The following NFASC variants were observed in gnomAD, a reference collection of about 807,000 sequenced individuals.
The protein encoded by NFASC is neurofascin homolog.
In NFASC, 43 loss-of-function variants were observed where a neutral mutation model predicts 147.5. The observed-to-expected ratio is 0.29, with a 90% CI of 0.23 to 0.38. NFASC has a LOEUF of 0.38. Among genes scored for constraint, NFASC ranks in the 10% least tolerant of loss-of-function variants. The pLI, the probability that NFASC is intolerant of heterozygous loss-of-function variation, is 1.00. For synonymous variants in NFASC, 622 were observed against 665.5 expected (o/e 0.93, Z 1.01); for missense variants, 1,320 against 1,689.0 (o/e 0.78, Z 3.83).
Position 204,954,437 on chromosome 1 carries a change from TG to T in NFASC, c.412+59del, listed in dbSNP as rs1218328554. 11 of 1,555,008 alleles carry T rather than the reference TG, an allele frequency of 7.1e-6. No individual in the cohort carries two copies. Among genetic ancestry groups the T allele is most frequent in the Admixed American group, 1.8e-5 (1 of 54,880 alleles). On this transcript the variant is annotated intron_variant, in intron 6 of 29. Transcript: ENST00000339876. The surrounding 1 kb of genome is among the most constrained non-coding windows in gnomAD (Gnocchi z 5.7). ...GCCCTGCTCCTGGGTAAATGGAGAG[TG>T]GGGGGTGTGGAAGGCCATTCCAGAA... is the stretch of plus-strand genomic sequence containing the variant.
chr1:204,961,509 T>C (rs1481073250), intron 8 of NFASC, among the ~76,000 whole-genome samples: 1 of 152,266 alleles, frequency 6.6e-6, no homozygotes, highest in Admixed American at 6.5e-5. Flanking sequence ...TCCAAGATCA[T>C]AGTGGTGCCC....
chr1:204,983,290 C>T, intron 21 of NFASC, among the ~76,000 whole-genome samples: 1 of 152,148 alleles, frequency 6.6e-6, no homozygotes, highest in East Asian at 1.9e-4. Context: ...GGGTCAGAAT[C>T]ACTTCCTGAA....
At chr1:204,896,514 G>C (rs548610211) in intron 1 of NFASC, among the ~76,000 whole-genome samples, 1 of 152,324 alleles carries the variant, frequency 6.6e-6, no homozygotes, top group South Asian at 2.1e-4. Flanking sequence ...GAAGAAGGTA[G>C]AAGGAAGAAG....
chr1:204,942,498 T>C (rs1335208674), intron 2 of NFASC, among the ~76,000 whole-genome samples: 1 of 152,136 alleles, frequency 6.6e-6, no homozygotes, highest in Admixed American at 6.5e-5. Flanking sequence ...CTATTGAGAG[T>C]TGCACTAGGG....
chr1:204,861,069 C>T (rs1379409701), intron 1 of NFASC, among the ~76,000 whole-genome samples: 2 of 107,620 alleles, frequency 1.9e-5, no homozygotes, highest in Non-Finnish European at 3.8e-5. Context: ...AGTTTGAATA[C>T]TTGCTTTCCT....
Position 204,968,912 on chromosome 1 carries a change from C to T in NFASC, c.933C>T (p.Ser311=), listed in dbSNP as rs781267185. The part of the protein sequence containing the change: ...LRITNVSEED[S]GEYFCLASNK... ...TCACAAATGTCTCTGAGGAAGACTCCGGGGAGTATTTCTGCCTGGCCTCCA... is the reference window on the plus strand; with the variant it reads ...TCACAAATGTCTCTGAGGAAGACTCTGGGGAGTATTTCTGCCTGGCCTCCA... Residue 311 remains serine, a synonymous_variant, in exon 10 of 30, where the codon TCC becomes TCT. Transcript: ENST00000339876. This position sits in a 1 kb window ranked among gnomAD's most constrained non-coding sequence, Gnocchi z 5.4. The T allele has an allele frequency of 1.5e-5, 24 of 1,613,760 alleles. No homozygotes were observed. Among genetic ancestry groups the T allele is most frequent in the South Asian group, 6.6e-5 (6 of 91,066 alleles).
rs114380689 is a variant in NFASC at position 204,916,754 on chromosome 1, G to A, written c.-199-3878G>A. Among the ~76,000 whole-genome samples, 39 of 141,392 alleles carry A rather than the reference G, an allele frequency of 2.8e-4. No homozygotes were observed. In the East Asian group the frequency reaches 7.6e-3, roughly 28 times the overall value. The allele number at this position is 141,392 out of a possible 152,430, so 92.8% of individuals were successfully genotyped here. On this transcript the variant is annotated intron_variant, in intron 1 of 29. Transcript: ENST00000339876. ...TTTTGTTTTTTTATTTTTATTTTTTGTAGAGACAAGGTTTTGCCATGTTGC... is the reference window on the plus strand; with the variant it reads ...TTTTGTTTTTTTATTTTTATTTTTTATAGAGACAAGGTTTTGCCATGTTGC...
intron 1 of NFASC, among the ~76,000 whole-genome samples, chr1:204,887,586 C>CTT (rs200468415): frequency 0.012 from 528 of 42,364 alleles, 132 homozygotes; most frequent in African/African-American, 0.031. Flanking sequence ...GCCTGATTGG[C>CTT]TTTTTTTTTT....
chr1:204,901,711 G>A (rs1275743423), intron 1 of NFASC, among the ~76,000 whole-genome samples: 1 of 152,150 alleles, frequency 6.6e-6, no homozygotes, highest in Non-Finnish European at 1.5e-5. Context: ...GGGCAAGGGA[G>A]GCTCCTCAGG....
At chr1:204,908,909 A>T (rs1177428498) in intron 1 of NFASC, among the ~76,000 whole-genome samples, 1 of 152,200 alleles carries the variant, frequency 6.6e-6, no homozygotes, top group Non-Finnish European at 1.5e-5. Flanking sequence ...CACTAGTATA[A>T]ATAGTCCATT....
At chr1:204,846,728 CG>C (rs1468914190) in intron 1 of NFASC, among the ~76,000 whole-genome samples, 1 of 152,120 alleles carries the variant, frequency 6.6e-6, no homozygotes, top group African/African-American at 2.4e-5. Context: ...TCAACAGCCA[CG>C]GGACTTGGTG....
chr1:204,837,533 C>A (rs755293073), intron 1 of NFASC, among the ~76,000 whole-genome samples: 11 of 152,172 alleles, frequency 7.2e-5, no homozygotes, highest in African/African-American at 1.2e-4. Flanking sequence ...CTGAAGACAA[C>A]AAGATTGTGG....
At chr1:204,955,902 G>C (rs1283393573) in intron 7 of NFASC, among the ~76,000 whole-genome samples, 1 of 152,198 alleles carries the variant, frequency 6.6e-6, no homozygotes, top group African/African-American at 2.4e-5. Flanking sequence ...TGATGAGGCA[G>C]CATTGTAAGT....
chr1:204,866,829 A>G (rs1019351981), intron 1 of NFASC, among the ~76,000 whole-genome samples: 2 of 152,174 alleles, frequency 1.3e-5, no homozygotes, highest in African/African-American at 4.8e-5. Context: ...GGAGATACAT[A>G]ATGTCCTTTG....
intron 2 of NFASC, among the ~76,000 whole-genome samples, chr1:204,925,732 T>C (rs1486860024): frequency 6.6e-6 from 1 of 152,232 alleles, no homozygotes; most frequent in East Asian, 1.9e-4. Flanking sequence ...TTTAGGACTA[T>C]GGTCTGTTGA....
chr1:204,915,750 G>A (rs2089087327), intron 1 of NFASC, among the ~76,000 whole-genome samples: 1 of 152,198 alleles, frequency 6.6e-6, no homozygotes, highest in Admixed American at 6.5e-5. Flanking sequence ...CACGAGTCAG[G>A]AGAATTTTGA....
rs2096324143 is a variant in NFASC at position 205,015,013 on chromosome 1, GGCTGTATTCGTGGGGCA to G, written c.3492-1292_3492-1276del. Among the ~76,000 whole-genome samples, 2 of 152,074 alleles carry G rather than the reference GGCTGTATTCGTGGGGCA, an allele frequency of 1.3e-5. 1 individual carries two copies. The highest frequency in any genetic ancestry group is 4.1e-4 in the South Asian group (2 of 4,826). On this transcript the variant is annotated intron_variant, in intron 29 of 29. Coordinates refer to ENST00000339876, the MANE Select transcript of NFASC (RefSeq NM_001005388.3). The surrounding 1 kb of genome is among the most constrained non-coding windows in gnomAD (Gnocchi z 4.0). The stretch of plus-strand genomic sequence containing the variant: ...CACGGCTGTCCCACGAATACAGTTA[GGCTGTATTCGTGGGGCA>G]GCACTGTGGGGAGTGGGCTAATAGC...
intron 1 of NFASC, among the ~76,000 whole-genome samples, chr1:204,846,773 A>G (rs1440625244): frequency 1.3e-5 from 2 of 152,148 alleles, no homozygotes; most frequent in South Asian, 2.1e-4. Context: ...GTCTTCTTGC[A>G]TCACCACTGG....
Position 204,987,384 on chromosome 1 carries a change from C to G in NFASC, c.2471-34C>G, listed in dbSNP as rs771802696. The G allele has an allele frequency of 6.2e-7, 1 of 1,604,102 alleles. No individual in the cohort carries two copies. Among genetic ancestry groups the G allele is most frequent in the African/African-American group, 1.3e-5 (1 of 74,698 alleles). On this transcript the variant is annotated intron_variant, in intron 21 of 29. Coordinates refer to ENST00000339876, the MANE Select transcript of NFASC (RefSeq NM_001005388.3). This position sits in a 1 kb window ranked among gnomAD's most constrained non-coding sequence, Gnocchi z 4.4. ...TTCCTCATCCTCCCTGCCCCCTCCC[C>G]CTCATCTCCCCTGCTCTCTCCTCCT... is the stretch of plus-strand genomic sequence containing the variant.
Sources: allele counts gnomAD v4.1 joint callset (sites outside exome capture counted in the v4.1 genomes callset), GRCh38; gene constraint gnomAD v4.1.1; non-coding constraint Gnocchi (gnomAD v3.1); transcripts MANE v1.5; gene names NCBI Gene and HGNC (gene_info 2026-07-23, HGNC 2026-07-21).